NUDCD1: variants seen among roughly 807,000 people sequenced by gnomAD.
The protein encoded by NUDCD1 is NudC domain containing 1, also known as nudC domain-containing protein 1.
A neutral mutation model predicts 67.8 loss-of-function variants in NUDCD1; 60 were observed. The observed-to-expected ratio is 0.88, with a 90% confidence interval of 0.72 to 1.10. The LOEUF is 1.10. Among genes scored for constraint, NUDCD1 ranks in the 50% least tolerant of loss-of-function variants. The pLI is 0.00. For synonymous variants in NUDCD1, 244 were observed against 230.8 expected (o/e 1.06, Z -0.52); for missense variants, 643 against 695.0 (o/e 0.93, Z 0.84).
rs1343001152 is a variant in NUDCD1 at position 109,241,987 on chromosome 8, C to G, written c.*1022G>C. The G allele has an allele frequency of 1.0e-5, 4 of 397,200 alleles. No homozygotes were observed. Among genetic ancestry groups the G allele is most frequent in the Non-Finnish European group, 1.8e-5 (4 of 225,156 alleles). The allele number at this position is 397,200 out of a possible 1,614,324, so 24.6% of individuals were successfully genotyped here. On this transcript the variant is annotated 3_prime_UTR_variant, in exon 10 of 10. Transcript: ENST00000239690. ...AAAAAACAAAATTTGTGGCAAGAAACTATAACATATAAACAGGATTATTTT... is the reference window on the plus strand; with the variant it reads ...AAAAAACAAAATTTGTGGCAAGAAAGTATAACATATAAACAGGATTATTTT...
chr8:109,305,462 C>T (rs961322163), intron 2 of NUDCD1, among the ~76,000 whole-genome samples: 3 of 152,138 alleles, frequency 2.0e-5, no homozygotes, highest in Non-Finnish European at 4.4e-5. Context: ...GTAGAACGGA[C>T]TAATGGTCTT....
At chr8:109,294,889 A>G (rs563367160) in intron 3 of NUDCD1, among the ~76,000 whole-genome samples, 1 of 152,076 alleles carries the variant, frequency 6.6e-6, no homozygotes, top group Admixed American at 6.6e-5. Flanking sequence ...TAATTACCCT[A>G]AAGTCCTAAA....
chr8:109,293,707 C>T (rs1380096), intron 3 of NUDCD1, among the ~76,000 whole-genome samples, 183 bp from the exon 4 acceptor site: 54,638 of 151,726 alleles, frequency 0.36, 10,658 homozygotes, highest in South Asian at 0.5. Flanking sequence ...TCCCTGAGGA[C>T]AGAACTTTTA....
intron 1 of NUDCD1, among the ~76,000 whole-genome samples, chr8:109,333,524 G>A (rs1297657521): frequency 2.0e-5 from 3 of 152,186 alleles, no homozygotes; most frequent in Admixed American, 1.3e-4. Flanking sequence ...CAACGCACAC[G>A]TTCACAAGCG....
intron 8 of NUDCD1, among the ~76,000 whole-genome samples, chr8:109,264,414 T>C (rs1485952881): frequency 6.6e-6 from 1 of 152,172 alleles, no homozygotes; most frequent in Non-Finnish European, 1.5e-5. Flanking sequence ...GTGAGATTAG[T>C]GGTATATTAA....
intron 6 of NUDCD1, among the ~76,000 whole-genome samples, chr8:109,279,491 T>C (rs1814378533): frequency 8.0e-6 from 1 of 125,058 alleles, no homozygotes; most frequent in Non-Finnish European, 1.8e-5. Context: ...AGAATGAAAG[T>C]CCTTTGGTTT....
chr8:109,241,221 C>CA lies in NUDCD1; in HGVS notation c.*1787dup, dbSNP rs1268905858. The CA allele has an allele frequency of 6.6e-6, 1 of 151,818 alleles. No homozygotes were observed. Among genetic ancestry groups the CA allele is most frequent in the Non-Finnish European group, 1.5e-5 (1 of 67,958 alleles). 9.4% of individuals were successfully genotyped at this position (151,818 alleles called of 1,614,324 possible). A position where few individuals can be genotyped will look rare whatever the true frequency, so the allele number is the denominator to read the frequency against. On this transcript the variant is annotated 3_prime_UTR_variant, in exon 10 of 10. Transcript: ENST00000239690. ...AGCTTTCAATTCAACATTAATCATG[C>CA]AAAAAAATCACATGCACAAAGAATA...
intron 5 of NUDCD1, among the ~76,000 whole-genome samples, chr8:109,284,456 C>A (rs1297537117): frequency 6.6e-6 from 1 of 151,984 alleles, no homozygotes; most frequent in Non-Finnish European, 1.5e-5. Flanking sequence ...AATACCCCAC[C>A]CATCAACCAC....
intron 2 of NUDCD1, among the ~76,000 whole-genome samples, chr8:109,318,196 T>C (rs1221075088): frequency 1.3e-5 from 2 of 152,286 alleles, no homozygotes; most frequent in African/African-American, 4.8e-5. Flanking sequence ...TAGAGCTACA[T>C]TACATGTGCC....
At chr8:109,258,409 C>T (rs1813787115) in intron 8 of NUDCD1, among the ~76,000 whole-genome samples, 1 of 151,784 alleles carries the variant, frequency 6.6e-6, no homozygotes, top group South Asian at 2.1e-4. Flanking sequence ...AATAAACAAA[C>T]TGCATTTATT....
chr8:109,247,046 G>A (rs548476662), intron 8 of NUDCD1, among the ~76,000 whole-genome samples: 104 of 152,324 alleles, frequency 6.8e-4, no homozygotes, highest in Non-Finnish European at 1.1e-3. Context: ...AATAAGGGGA[G>A]AAGGCCAGCA....
At chr8:109,256,109 G>C (rs1052190523) in intron 8 of NUDCD1, among the ~76,000 whole-genome samples, 2 of 152,150 alleles carry the variant, frequency 1.3e-5, no homozygotes, top group Admixed American at 6.5e-5. Context: ...TACTCAAGAG[G>C]CTGGAAGTGG....
rs1814261295 is a variant in NUDCD1 at position 109,275,402 on chromosome 8, G to C, written c.1123C>G (p.Gln375Glu). The change falls in exon 7 of 10, where the codon CAG (glutamine) becomes GAG (glutamate). Residue 375 changes from glutamine (Q) to glutamate (E), a missense_variant. Gln to Glu is a conservative substitution (Grantham distance 29, BLOSUM62 2). Transcript: ENST00000239690. ...KQGELIRDSA[Q>E]CAAIAERLMH... The stretch of plus-strand genomic sequence containing the variant: ...AAACGTTCAGCTATTGCAGCACACT[G>C]GGCTGAATCTCTTATAAGTTCCCCT... The C allele has an allele frequency of 6.2e-7, 1 of 1,613,658 alleles. No homozygotes were observed. Among genetic ancestry groups the C allele is most frequent in the Admixed American group, 1.7e-5 (1 of 59,980 alleles).
In NUDCD1 at chr8:109,281,023, G is replaced by A. The variant is rs781319725; in HGVS notation, c.973C>T (p.Leu325Phe). ...LKDHQFLEGK[L>F]YSSIDHESST... is the part of the protein sequence containing the mutation. ...CTTTCATGATCAATAGATGAATAGA[G>A]TTTTCCTTCTAAAAACTGGTGATCC... The change falls in exon 6 of 10, where the codon CTC (leucine) becomes TTC (phenylalanine). Residue 325 changes from leucine (L) to phenylalanine (F), a missense_variant. By Grantham distance (22) the Leu-to-Phe change is conservative (BLOSUM62 0). Transcript: ENST00000239690. 1.9e-6 allele frequency: 3 copies of A among 1,610,810 alleles called. No individual in the cohort carries two copies. Among genetic ancestry groups the A allele is most frequent in the Admixed American group, 1.7e-5 (1 of 60,004 alleles).
In NUDCD1 at chr8:109,333,860, G is replaced by T; in HGVS notation, c.118+33C>A. On this transcript the variant is annotated intron_variant, in intron 1 of 9. Coordinates refer to ENST00000239690, the MANE Select transcript of NUDCD1 (RefSeq NM_032869.4). Reference sequence around the variant, plus strand: ...GCCGGAGGCAGCCGAAAGGGGAAAGGAACGGAGTACGAAGGGCGCCGCCGC... The same window carrying T: ...GCCGGAGGCAGCCGAAAGGGGAAAGTAACGGAGTACGAAGGGCGCCGCCGC... 2.5e-6 allele frequency: 4 copies of T among 1,611,744 alleles called. No individual in the cohort carries two copies. In the South Asian group the frequency reaches 4.4e-5, roughly 18 times the overall value.
intron 2 of NUDCD1, among the ~76,000 whole-genome samples, chr8:109,297,114 A>C (rs532769280): frequency 1.2e-4 from 19 of 152,336 alleles, no homozygotes; most frequent in African/African-American, 4.6e-4. Context: ...GTTTCAAGTC[A>C]CTAAGTTTTG....
chr8:109,296,681 T>G (rs1814851020), intron 2 of NUDCD1, 112 bp from the exon 3 acceptor site: 1 of 711,674 alleles, frequency 1.4e-6, no homozygotes, highest in Admixed American at 3.0e-5. Context: ...TGGAGTCTAA[T>G]TCCTCTTCCT....
intron 1 of NUDCD1, among the ~76,000 whole-genome samples, chr8:109,330,700 T>C (rs1478231164): frequency 2.0e-5 from 3 of 152,132 alleles, no homozygotes; most frequent in Non-Finnish European, 4.4e-5. Flanking sequence ...TGGAATACTA[T>C]GCAGCCATAA....
chr8:109,243,961 T>C (rs1208994203), intron 9 of NUDCD1, among the ~76,000 whole-genome samples: 2 of 152,144 alleles, frequency 1.3e-5, no homozygotes, highest in South Asian at 2.1e-4. Flanking sequence ...CTTATCTTAA[T>C]TCATGTACAT....
Sources: gnomAD v4.1 joint callset for allele counts (sites outside exome capture counted in the v4.1 genomes callset) on GRCh38, gnomAD v4.1.1 for gene constraint, MANE v1.5 for transcripts, NCBI Gene and HGNC (gene_info 2026-07-23, HGNC 2026-07-21) for gene names.